Variants in MTFR1 observed in about 807,000 individuals in gnomAD.
The protein encoded by MTFR1 is mitochondrial fission regulator 1.
MTFR1 carries 28 observed loss-of-function variants against 38.8 expected under a neutral mutation model. The ratio of observed to expected loss-of-function variants is 0.72; its 90% CI spans 0.53 to 0.99. The LOEUF is 0.99. Ranked by LOEUF, MTFR1 falls within the 50% of genes least tolerant of loss-of-function variation. MTFR1 has a pLI of 0.00. For synonymous variants in MTFR1, 145 were observed against 137.0 expected, an observed-to-expected ratio of 1.06 and a Z score of -0.41; for missense variants, 358 against 395.5, an observed-to-expected ratio of 0.91 and a Z score of 0.81.
intron 2 of MTFR1, among the ~76,000 whole-genome samples, chr8:65,675,241 C>T (rs952990742): frequency 8.6e-5 from 13 of 151,940 alleles, no homozygotes; most frequent in African/African-American, 2.9e-4. Context: ...TGCAGTGAGC[C>T]GAGATCACGC....
chr8:65,717,956 G>A (rs2129062528), intron 2 of MTFR1: 1 of 152,342 alleles, frequency 6.6e-6, no homozygotes, highest in Admixed American at 6.5e-5. Flanking sequence ...AAAGTGGAAT[G>A]TTTGAAGTTT....
chr8:65,649,626 A>T (rs1047908578), intron 1 of MTFR1, among the ~76,000 whole-genome samples: 1 of 152,188 alleles, frequency 6.6e-6, no homozygotes, highest in Non-Finnish European at 1.5e-5. Flanking sequence ...TCAAGTATTT[A>T]TCCTTTCTTT....
intron 2 of MTFR1, among the ~76,000 whole-genome samples, chr8:65,717,155 G>A (rs574394556): frequency 2.0e-4 from 31 of 152,250 alleles, no homozygotes; most frequent in South Asian, 8.3e-4. Context: ...CTAGAAAACC[G>A]AAAATTATGT....
intron 3 of MTFR1, among the ~76,000 whole-genome samples, chr8:65,738,360 T>C (rs1209564319): frequency 6.6e-6 from 1 of 152,194 alleles, no homozygotes; most frequent in East Asian, 1.9e-4. Context: ...CCCCAAAATA[T>C]GCTGCTTTGG....
At chr8:65,739,595 T>C in intron 3 of MTFR1, 1 of 1,516,524 alleles carries the variant, frequency 6.6e-7, no homozygotes, top group East Asian at 2.5e-5. Flanking sequence ...ACTAGACTAT[T>C]TCCTAAAAAG....
At chr8:65,645,832 C>T (rs1292048747) in intron 1 of MTFR1, among the ~76,000 whole-genome samples, 1 of 152,128 alleles carries the variant, frequency 6.6e-6, no homozygotes, top group Non-Finnish European at 1.5e-5. Context: ...CCCGGCTATC[C>T]TGGGTTATTT....
At chr8:65,778,564 C>G in the MTFR1 span, among the ~76,000 whole-genome samples, 1 of 152,188 alleles carries the variant, frequency 6.6e-6, no homozygotes, top group Admixed American at 6.5e-5. Flanking sequence ...TTCTCGGAAT[C>G]ATGAGCATTA....
intron 3 of MTFR1, among the ~76,000 whole-genome samples, chr8:65,754,333 AC>A (rs1808114106): frequency 6.6e-6 from 1 of 151,904 alleles, no homozygotes; most frequent in Non-Finnish European, 1.5e-5. Flanking sequence ...TCACAGACAC[AC>A]CCAGGATCAA....
chr8:65,711,158 G>T (rs1445529999), downstream of MTFR1, among the ~76,000 whole-genome samples: 6 of 152,188 alleles, frequency 3.9e-5, no homozygotes, highest in East Asian at 1.2e-3. Context: ...TTCTCCAGTG[G>T]TCCCTGGCAC....
chr8:65,680,092 A>G (rs1585770757), intron 2 of MTFR1, among the ~76,000 whole-genome samples: 1 of 149,814 alleles, frequency 6.7e-6, no homozygotes, highest in South Asian at 2.1e-4. Context: ...GATAAAAATT[A>G]TATGAAAGCT....
chr8:65,770,597 A>T (rs999225889), intron 3 of MTFR1, among the ~76,000 whole-genome samples: 6 of 152,204 alleles, frequency 3.9e-5, no homozygotes, highest in Non-Finnish European at 8.8e-5. Context: ...ATCAACCTCT[A>T]AACACTTCAG....
chr8:65,673,960 GAC>G (rs1206047989), intron 2 of MTFR1, among the ~76,000 whole-genome samples: 1 of 152,206 alleles, frequency 6.6e-6, no homozygotes, highest in African/African-American at 2.4e-5. Flanking sequence ...ATCAAAACAT[GAC>G]ACAGACATGA....
In MTFR1 at chr8:65,710,026, A is replaced by G. The variant is rs1227647106; in HGVS notation, c.*982A>G. 6.6e-6 allele frequency: 1 copy of G among 152,270 alleles called. No homozygotes were observed. Among genetic ancestry groups the G allele is most frequent in the Non-Finnish European group, 1.5e-5 (1 of 68,022 alleles). 9.4% of individuals were successfully genotyped at this position (152,270 alleles called of 1,614,324 possible). ...CGCAACATAAACCATAGGTGTTATTAGAAGTGGAGAACTGCCTTTTTCATC... is the reference window on the plus strand; with the variant it reads ...CGCAACATAAACCATAGGTGTTATTGGAAGTGGAGAACTGCCTTTTTCATC... On this transcript the variant is annotated 3_prime_UTR_variant, in exon 8 of 8. Coordinates refer to ENST00000262146, the MANE Select transcript of MTFR1 (RefSeq NM_014637.4).
chr8:65,693,421 TATAAAA>T (rs1265884320), intron 3 of MTFR1, among the ~76,000 whole-genome samples: 1 of 151,902 alleles, frequency 6.6e-6, no homozygotes, highest in Non-Finnish European at 1.5e-5. Flanking sequence ...AAAATCAACT[TATAAAA>T]TGAAAACTGA....
intron 3 of MTFR1, among the ~76,000 whole-genome samples, chr8:65,721,510 T>G (rs556034277): frequency 3.7e-4 from 57 of 152,052 alleles, no homozygotes; most frequent in African/African-American, 1.3e-3. Flanking sequence ...TCCCCTAGGG[T>G]TGTTGTGTGG....
chr8:65,720,159 A>C (rs375083621), intron 3 of MTFR1, among the ~76,000 whole-genome samples: 70 of 152,358 alleles, frequency 4.6e-4, no homozygotes, highest in African/African-American at 1.6e-3. Flanking sequence ...TCAGAAAAGG[A>C]AAATGAGTGA....
chr8:65,772,974 C>A (rs1445026614), downstream of MTFR1, among the ~76,000 whole-genome samples: 1 of 152,064 alleles, frequency 6.6e-6, no homozygotes, highest in Non-Finnish European at 1.5e-5. Context: ...TGCCACTGCA[C>A]TCCAGCCTGG....
At position 65,710,271 on chromosome 8, in the gene MTFR1, T is replaced by A. The variant is rs2129060491; in HGVS notation, c.*1227T>A. The stretch of plus-strand genomic sequence containing the variant: ...AGATTCACTTTTAAGTTCTTGAAAA[T>A]ATATGCATTCTCCTAAATATTAACA... On this transcript the variant is annotated 3_prime_UTR_variant, in exon 8 of 8. Transcript: ENST00000262146. 6.6e-6 allele frequency: 1 copy of A among 152,298 alleles called. No individual in the cohort carries two copies. The highest frequency in any genetic ancestry group is 1.9e-4 in the East Asian group (1 of 5,184). The allele number at this position is 152,298 out of a possible 1,614,324, so 9.4% of individuals were successfully genotyped here.
In MTFR1 at chr8:65,707,185, G is replaced by T. The variant is rs770650957; in HGVS notation, c.693G>T (p.Lys231Asn). ...AGKTLVKNNPKKPEMPNMLEI... is the reference protein window; with the variant it reads ...AGKTLVKNNPNKPEMPNMLEI... ...AGACTTTGGTTAAGAACAATCCAAA[G>T]AAACCTGAAATGCCAAATATGCTAG... Residue 231 changes from lysine (K) to asparagine (N), a missense_variant, in exon 6 of 8, where the codon AAG becomes AAT. Transcript: ENST00000262146. 1 of 1,614,094 alleles carries T rather than the reference G, an allele frequency of 6.2e-7. No homozygotes were observed. The highest frequency in any genetic ancestry group is 8.5e-7 in the Non-Finnish European group (1 of 1,179,988).
Sources: allele counts gnomAD v4.1 joint callset (sites outside exome capture counted in the v4.1 genomes callset), GRCh38; gene constraint gnomAD v4.1.1; transcripts MANE v1.5; gene names NCBI Gene and HGNC (gene_info 2026-07-23, HGNC 2026-07-21).